CADM2: variants seen among roughly 807,000 people sequenced by gnomAD.
CADM2 encodes the protein cell adhesion molecule 2.
Under a neutral mutation model 49.8 loss-of-function variants are expected in CADM2, and 12 were observed. The ratio of observed to expected loss-of-function variants is 0.24; its 90% CI spans 0.15 to 0.39. CADM2 has a LOEUF of 0.39. Among genes scored for constraint, CADM2 ranks in the 10% least tolerant of loss-of-function variants. The probability of loss-of-function intolerance (pLI) is 1.00; values close to 1 mark genes in which losing one functional copy is unlikely to be tolerated. For missense variants in CADM2, 378 were observed against 492.3 expected (o/e 0.77, Z 2.20); for synonymous variants, 214 against 175.4 (o/e 1.22, Z -1.74).
chr3:85,997,741 T>C (rs758104344), intron 8 of CADM2, among the ~76,000 whole-genome samples: 17 of 152,310 alleles, frequency 1.1e-4, no homozygotes, highest in Non-Finnish European at 1.9e-4. Flanking sequence ...CATGCATTTC[T>C]AACTTGCTGT....
chr3:85,755,157 G>A (rs551722646), intron 2 of CADM2, among the ~76,000 whole-genome samples: 4 of 152,196 alleles, frequency 2.6e-5, no homozygotes, highest in Admixed American at 1.3e-4. Flanking sequence ...CAATTCCATT[G>A]TCAGCCAAAG....
intron 1 of CADM2, among the ~76,000 whole-genome samples, chr3:85,518,686 T>C (rs1413274926): frequency 6.6e-6 from 1 of 152,156 alleles, no homozygotes; most frequent in Non-Finnish European, 1.5e-5. Flanking sequence ...CCCTGGCTTA[T>C]GGCTGCATCA....
At chr3:86,043,272 A>T (rs1736196986) in intron 8 of CADM2, among the ~76,000 whole-genome samples, 1 of 152,200 alleles carries the variant, frequency 6.6e-6, no homozygotes, top group South Asian at 2.1e-4. Flanking sequence ...TTCAGTTAGG[A>T]AAAGAGGAAG....
intron 1 of CADM2, among the ~76,000 whole-genome samples, chr3:85,586,086 T>A (rs1559927181): frequency 6.6e-6 from 1 of 152,078 alleles, no homozygotes; most frequent in Admixed American, 6.6e-5. Flanking sequence ...CTCATTAAAG[T>A]GTGGTTGATG....
At chr3:85,378,898 A>G (rs1197354812) in intron 1 of CADM2, among the ~76,000 whole-genome samples, 3 of 152,014 alleles carry the variant, frequency 2.0e-5, no homozygotes, top group Admixed American at 6.6e-5. Flanking sequence ...AAAATAAATT[A>G]TAAAAATAAA....
intron 8 of CADM2, among the ~76,000 whole-genome samples, chr3:86,050,630 A>T (rs1334666271): frequency 1.3e-5 from 2 of 152,154 alleles, no homozygotes; most frequent in Non-Finnish European, 2.9e-5. Flanking sequence ...TGGAATCTAG[A>T]TGAAAGCTCC....
At chr3:85,493,184 A>G (rs1240361179) in intron 1 of CADM2, among the ~76,000 whole-genome samples, 2 of 152,138 alleles carry the variant, frequency 1.3e-5, no homozygotes, top group Non-Finnish European at 2.9e-5. Context: ...ATGAAAACAG[A>G]ATAAAGCAGC....
At chr3:85,179,543 T>A (rs548223067) in intron 1 of CADM2, among the ~76,000 whole-genome samples, 1 of 152,202 alleles carries the variant, frequency 6.6e-6, no homozygotes, top group African/African-American at 2.4e-5. Flanking sequence ...TACAATTTTC[T>A]ACATTATCTC....
Position 85,621,852 on chromosome 3 carries a change from C to T in CADM2, c.62-104670C>T, listed in dbSNP as rs77952775. On this transcript the variant is annotated intron_variant, in intron 1 of 9. Coordinates refer to ENST00000383699, the MANE Select transcript of CADM2 (RefSeq NM_001167675.2). ...TCAGACTGATGTGCAGTGCCTATCT[C>T]GGCATTTTCACGTTTTGTAGATGAC... 3.4e-4 allele frequency among the ~76,000 whole-genome samples: 52 copies of T among 152,214 alleles called. No individual in the cohort carries two copies. The East Asian group carries it at 9.5e-3, about 28-fold the overall frequency.
intron 1 of CADM2, among the ~76,000 whole-genome samples, chr3:85,299,241 A>G (rs1280246491): frequency 6.6e-6 from 1 of 152,132 alleles, no homozygotes; most frequent in African/African-American, 2.4e-5. Context: ...TAAATGCCAC[A>G]TTATAGACCC....
chr3:85,553,585 T>G (rs1473210090), intron 1 of CADM2, among the ~76,000 whole-genome samples: 1 of 152,200 alleles, frequency 6.6e-6, no homozygotes, highest in Non-Finnish European at 1.5e-5. Flanking sequence ...TATAATATCT[T>G]CCTACAGAGC....
At chr3:85,796,006 T>C (rs1190032071) in intron 2 of CADM2, among the ~76,000 whole-genome samples, 1 of 152,212 alleles carries the variant, frequency 6.6e-6, no homozygotes, top group Non-Finnish European at 1.5e-5. Context: ...TATTTTCTTA[T>C]GGGAATGTTT....
chr3:85,846,189 TAGAG>T (rs1019242336), intron 3 of CADM2, among the ~76,000 whole-genome samples: 4 of 152,198 alleles, frequency 2.6e-5, no homozygotes, highest in Non-Finnish European at 5.9e-5. Flanking sequence ...TTTTTACTAA[TAGAG>T]AGATTATTGC....
At chr3:86,056,889 T>C (rs1738057913) in intron 8 of CADM2, among the ~76,000 whole-genome samples, 1 of 152,198 alleles carries the variant, frequency 6.6e-6, no homozygotes, top group Non-Finnish European at 1.5e-5. Context: ...AAATTTGTGT[T>C]ACACTAAATA....
chr3:85,910,291 C>A (rs1161628327), intron 5 of CADM2, among the ~76,000 whole-genome samples: 1 of 151,954 alleles, frequency 6.6e-6, no homozygotes, highest in African/African-American at 2.4e-5. Context: ...TACTCTGACA[C>A]TGCTTAGAGC....
At position 86,070,864 on chromosome 3, in the gene CADM2, G is replaced by A. The variant is rs1056114294; in HGVS notation, c.*4081G>A. 4.0e-5 allele frequency: 6 copies of A among 151,834 alleles called. No homozygotes were observed. Among genetic ancestry groups the A allele is most frequent in the African/African-American group, 1.4e-4 (6 of 41,396 alleles). The allele number at this position is 151,834 out of a possible 1,614,324, so 9.4% of individuals were successfully genotyped here. A position where few individuals can be genotyped will look rare whatever the true frequency, so the allele number is the denominator to read the frequency against. On this transcript the variant is annotated 3_prime_UTR_variant, in exon 10 of 10. Coordinates refer to ENST00000383699, the MANE Select transcript of CADM2 (RefSeq NM_001167675.2). ...TTGGGAAAGAGGAAATCTTAGTGTA[G>A]ATAATAGAATTTGTTTTGAAATATA...
At position 85,255,026 on chromosome 3, in the gene CADM2, T is replaced by C. The variant is rs2042853639; in HGVS notation, c.61+295358T>C. Among the ~76,000 whole-genome samples, 8 of 152,074 alleles carry C rather than the reference T, an allele frequency of 5.3e-5. No homozygotes were observed. In the South Asian group the frequency reaches 1.7e-3, roughly 31 times the overall value. On this transcript the variant is annotated intron_variant, in intron 1 of 9. Transcript: ENST00000383699. Reference sequence around the variant, plus strand: ...CTACTGGGATTTGGTAAACATAGGATGAAAATATATTAAAACTCATAGTCC... The same window carrying C: ...CTACTGGGATTTGGTAAACATAGGACGAAAATATATTAAAACTCATAGTCC...
chr3:85,701,906 T>A (rs192312010), intron 1 of CADM2, among the ~76,000 whole-genome samples: 2 of 125,730 alleles, frequency 1.6e-5, no homozygotes, highest in African/African-American at 3.0e-5. Flanking sequence ...GATAGATAGA[T>A]AGATATAAAG....
intron 1 of CADM2, among the ~76,000 whole-genome samples, chr3:85,724,817 G>GAT (rs1169861522): frequency 6.6e-6 from 1 of 151,626 alleles, no homozygotes; most frequent in Non-Finnish European, 1.5e-5. Flanking sequence ...TGTAATTTTT[G>GAT]ATATATATCA....
Sources: gnomAD v4.1 joint callset for allele counts (sites outside exome capture counted in the v4.1 genomes callset) on GRCh38, gnomAD v4.1.1 for gene constraint, MANE v1.5 for transcripts, NCBI Gene and HGNC (gene_info 2026-07-23, HGNC 2026-07-21) for gene names.